The following DPP10 variants were observed in gnomAD, a reference collection of about 807,000 sequenced individuals.
DPP10 encodes inactive dipeptidyl peptidase 10.
A neutral mutation model predicts 120.9 loss-of-function variants in DPP10; 33 were observed. The ratio of observed to expected loss-of-function variants is 0.27; its 90% CI spans 0.21 to 0.37. The LOEUF (loss-of-function observed/expected upper bound fraction) is 0.37, where lower values mean the gene tolerates loss of function less well. Among genes scored for constraint, DPP10 ranks in the 10% least tolerant of loss-of-function variants. The pLI is 1.00. For synonymous variants in DPP10, 337 were observed against 326.1 expected (o/e 1.03, Z -0.36); for missense variants, 816 against 942.8 (o/e 0.87, Z 1.76).
At chr2:114,617,282 C>A (rs1436333753) in intron 1 of DPP10, among the ~76,000 whole-genome samples, 1 of 151,972 alleles carries the variant, frequency 6.6e-6, no homozygotes, top group African/African-American at 2.4e-5. Flanking sequence ...TATGGTTAGG[C>A]TTAATATACT....
At chr2:115,290,993 G>C (rs2060629214) in intron 1 of DPP10, among the ~76,000 whole-genome samples, 1 of 152,056 alleles carries the variant, frequency 6.6e-6, no homozygotes, top group Non-Finnish European at 1.5e-5. Context: ...ACAGGAATCA[G>C]GCTTTGTCCC....
intron 3 of DPP10, among the ~76,000 whole-genome samples, chr2:115,467,410 C>A (rs1193587031): frequency 6.6e-6 from 1 of 151,900 alleles, no homozygotes; most frequent in East Asian, 1.9e-4. Flanking sequence ...AACCCCATCT[C>A]TACTAAAAAT....
chr2:114,894,180 A>T (rs1033206024), intron 1 of DPP10, among the ~76,000 whole-genome samples: 9 of 152,208 alleles, frequency 5.9e-5, no homozygotes, highest in African/African-American at 2.2e-4. Flanking sequence ...TAAGAAACAC[A>T]CATTAATAAT....
chr2:114,859,801 AT>A (rs1402595567), intron 1 of DPP10, among the ~76,000 whole-genome samples: 1 of 152,168 alleles, frequency 6.6e-6, no homozygotes, highest in Non-Finnish European at 1.5e-5. Context: ...CCTAATAGAT[AT>A]TTAACTGAAT....
At position 115,674,461 on chromosome 2, in the gene DPP10, G is replaced by A. The variant is rs537366173; in HGVS notation, c.442-15226G>A. 6.2e-4 allele frequency among the ~76,000 whole-genome samples: 93 copies of A among 150,772 alleles called. 1 individual carries two copies. Among genetic ancestry groups the A allele is most frequent in the African/African-American group, 2.1e-3 (87 of 40,950 alleles). ...TCGTATGTACTCTCTCCACCTTGCC[G>A]GCAGTTACATGCTTGTGACATGTAT... On this transcript the variant is annotated intron_variant, in intron 5 of 25. Coordinates refer to ENST00000410059, the MANE Select transcript of DPP10 (RefSeq NM_020868.6).
At chr2:115,655,870 T>G (rs1434840358) in intron 5 of DPP10, among the ~76,000 whole-genome samples, 2 of 151,572 alleles carry the variant, frequency 1.3e-5, no homozygotes, top group African/African-American at 2.4e-5. Flanking sequence ...GAAGACTGAA[T>G]GAGAAGGAGC....
At chr2:115,338,926 A>T (rs2063304278) in intron 2 of DPP10, among the ~76,000 whole-genome samples, 1 of 152,180 alleles carries the variant, frequency 6.6e-6, no homozygotes, top group African/African-American at 2.4e-5. Flanking sequence ...CAAAAGCACG[A>T]TTCATAAAAG....
intron 3 of DPP10, among the ~76,000 whole-genome samples, chr2:115,402,854 AATATAT>A (rs757052503): frequency 1.0e-5 from 1 of 97,640 alleles, no homozygotes; most frequent in South Asian, 3.5e-4. Context: ...AAAAAAAAAA[AATATAT>A]ATATATATAT....
intron 1 of DPP10, among the ~76,000 whole-genome samples, chr2:114,799,852 G>A (rs1029497183): frequency 3.3e-5 from 5 of 152,156 alleles, no homozygotes; most frequent in Admixed American, 2.0e-4. Flanking sequence ...AAATGAGCAG[G>A]TTTCCATTTG....
chr2:115,498,699 TA>T lies in DPP10; in HGVS notation c.272-810del, dbSNP rs2076530720. 4.9e-5 allele frequency among the ~76,000 whole-genome samples: 3 copies of T among 61,208 alleles called. No homozygotes were observed. In the South Asian group the frequency reaches 2.3e-3, roughly 47 times the overall value. 40.2% of individuals were successfully genotyped at this position (61,208 alleles called of 152,430 possible). A position where few individuals can be genotyped will look rare whatever the true frequency, so the allele number is the denominator to read the frequency against. On this transcript the variant is annotated intron_variant, in intron 3 of 25. Transcript: ENST00000410059. ...TCTTTTACCTAATCATATATATATA[TA>T]TAATTATGTATAATTATATATATAT...
intron 3 of DPP10, among the ~76,000 whole-genome samples, chr2:115,485,926 C>A (rs2105308269): frequency 6.6e-6 from 1 of 151,944 alleles, no homozygotes; most frequent in South Asian, 2.1e-4. Context: ...TTGAAATAGC[C>A]AATGGTGAAT....
intron 1 of DPP10, among the ~76,000 whole-genome samples, chr2:114,563,125 G>A (rs1455197728): frequency 1.3e-5 from 2 of 152,192 alleles, no homozygotes; most frequent in South Asian, 2.1e-4. Context: ...TGTAATCCCA[G>A]TACTTTGGGA....
intron 7 of DPP10, among the ~76,000 whole-genome samples, chr2:115,703,692 G>T (rs2091983291): frequency 6.6e-6 from 1 of 151,944 alleles, no homozygotes; most frequent in Admixed American, 6.6e-5. Flanking sequence ...AAAATGAATT[G>T]ATTGTAAATG....
At chr2:115,015,107 A>G (rs1702540223) in intron 1 of DPP10, among the ~76,000 whole-genome samples, 1 of 152,184 alleles carries the variant, frequency 6.6e-6, no homozygotes, top group Admixed American at 6.5e-5. Context: ...CCTTAATAAA[A>G]TACTGGCAAA....
intron 1 of DPP10, among the ~76,000 whole-genome samples, chr2:115,176,134 A>C (rs1048815302): frequency 9.2e-5 from 14 of 152,076 alleles, no homozygotes; most frequent in Non-Finnish European, 1.9e-4. Context: ...CCTGTAGCAA[A>C]ATTACAAAAT....
intron 5 of DPP10, among the ~76,000 whole-genome samples, chr2:115,672,567 T>A (rs965247548): frequency 6.6e-6 from 1 of 152,138 alleles, no homozygotes; most frequent in Non-Finnish European, 1.5e-5. Flanking sequence ...AAAATTTTTA[T>A]CTTGTCCCTG....
chr2:115,351,335 G>A (rs1479387634), intron 3 of DPP10, among the ~76,000 whole-genome samples: 2 of 152,066 alleles, frequency 1.3e-5, no homozygotes, highest in East Asian at 1.9e-4. Context: ...ATGGGCAGAC[G>A]TAACGATAGG....
chr2:115,142,171 T>C (rs1042773516), intron 1 of DPP10, among the ~76,000 whole-genome samples: 1 of 152,200 alleles, frequency 6.6e-6, no homozygotes, highest in African/African-American at 2.4e-5. Context: ...AATAGCACAC[T>C]GTTTCTACTT....
chr2:115,635,969 A>G (rs2086290589), intron 5 of DPP10, among the ~76,000 whole-genome samples: 1 of 152,204 alleles, frequency 6.6e-6, no homozygotes, highest in Non-Finnish European at 1.5e-5. Context: ...GAAAGGTGGA[A>G]CATGTCCCTT....
Sources: allele counts gnomAD v4.1 joint callset (sites outside exome capture counted in the v4.1 genomes callset), GRCh38; gene constraint gnomAD v4.1.1; transcripts MANE v1.5; gene names NCBI Gene and HGNC (gene_info 2026-07-23, HGNC 2026-07-21).